Variants in PTPRD observed in about 807,000 individuals in gnomAD.
PTPRD encodes protein tyrosine phosphatase receptor type D, also known as receptor-type tyrosine-protein phosphatase delta.
In PTPRD, 34 loss-of-function variants were observed where a neutral mutation model predicts 214.5. That is an observed-to-expected ratio of 0.16 (90% confidence interval 0.12 to 0.21). The LOEUF is 0.21. Among genes scored for constraint, PTPRD ranks in the 10% least tolerant of loss-of-function variants. PTPRD has a pLI of 1.00. For missense variants in PTPRD, 2,545 were observed against 2,398.7 expected (o/e 1.06, Z -1.27); for synonymous variants, 1,128 against 845.7 (o/e 1.33, Z -5.79).
chr9:8,341,177 G>A lies in PTPRD; in HGVS notation c.5039C>T (p.Pro1680Leu), dbSNP rs1452929744. ...CAGGCATACCCTTGTGGATTCATAT[G>A]GCATAATATTAACAAGGCGATTTTT... ...KFKNRLVNIM[P>L]YESTRVCLQP... The change falls in exon 41 of 46, where the codon CCA becomes CTA. Residue 1680 changes from proline (P) to leucine (L), a missense_variant. Pro to Leu is a moderately conservative substitution (Grantham distance 98). Transcript: ENST00000381196. 4 of 1,612,870 alleles carry A rather than the reference G, an allele frequency of 2.5e-6. No individual in the cohort carries two copies. Among genetic ancestry groups the A allele is most frequent in the Non-Finnish European group, 3.4e-6 (4 of 1,179,394 alleles).
chr9:8,585,843 G>C (rs895175753), intron 14 of PTPRD, among the ~76,000 whole-genome samples: 1 of 152,108 alleles, frequency 6.6e-6, no homozygotes, highest in Non-Finnish European at 1.5e-5. Context: ...GGTAGACTAT[G>C]TTCTTATGTT....
At chr9:8,445,828 T>A (rs2095704175) in intron 34 of PTPRD, among the ~76,000 whole-genome samples, 1 of 152,194 alleles carries the variant, frequency 6.6e-6, no homozygotes, top group African/African-American at 2.4e-5. Context: ...TTTTCACTCA[T>A]CTTAATGCTA....
At position 10,511,976 on chromosome 9, in the gene PTPRD, GTATATATATATACGTGTGTGTA is replaced by G. The variant is rs1337468346; in HGVS notation, c.-600+100400_-600+100421del. ...TGTGTATATATATATACGTGTGTGT[GTATATATATATACGTGTGTGTA>G]TATATATATATACGTGTGTGTATAT... is the stretch of plus-strand genomic sequence containing the variant. On this transcript the variant is annotated intron_variant, in intron 2 of 45. Coordinates refer to ENST00000381196, the MANE Select transcript of PTPRD (RefSeq NM_002839.4). Among the ~76,000 whole-genome samples, 206 of 52,206 alleles carry G rather than the reference GTATATATATATACGTGTGTGTA, an allele frequency of 3.9e-3. 4 individuals carry two copies. Among genetic ancestry groups the G allele is most frequent in the African/African-American group, 0.013 (196 of 14,772 alleles). 34.2% of individuals were successfully genotyped at this position (52,206 alleles called of 152,430 possible).
At chr9:8,873,988 T>A (rs1049857650) in intron 11 of PTPRD, among the ~76,000 whole-genome samples, 2 of 152,192 alleles carry the variant, frequency 1.3e-5, no homozygotes, top group African/African-American at 4.8e-5. Context: ...GACAGAACAC[T>A]TGTGTCCTTC....
chr9:8,993,197 G>T (rs553310667), intron 11 of PTPRD, among the ~76,000 whole-genome samples: 7 of 152,106 alleles, frequency 4.6e-5, no homozygotes, highest in Non-Finnish European at 1.0e-4. Flanking sequence ...TTGGCCCAGA[G>T]AACCTGGCTC....
At chr9:9,503,281 A>T (rs1005161235) in intron 8 of PTPRD, among the ~76,000 whole-genome samples, 1 of 67,716 alleles carries the variant, frequency 1.5e-5, no homozygotes, top group Non-Finnish European at 2.5e-5. Context: ...ATACCAAAAA[A>T]AGTTTTTTTT....
intron 8 of PTPRD, among the ~76,000 whole-genome samples, chr9:9,467,832 C>A (rs1395459731): frequency 6.6e-6 from 1 of 151,964 alleles, no homozygotes; most frequent in African/African-American, 2.4e-5. Flanking sequence ...AAATATCAAA[C>A]CACTTAATTT....
intron 8 of PTPRD, among the ~76,000 whole-genome samples, chr9:9,531,814 G>A (rs1417879136): frequency 5.3e-5 from 8 of 152,026 alleles, no homozygotes; most frequent in African/African-American, 1.7e-4. Flanking sequence ...TTAACTTACT[G>A]AGAACAGTTC....
intron 11 of PTPRD, among the ~76,000 whole-genome samples, chr9:8,786,058 T>TGTG (rs1566046468): frequency 5.1e-5 from 5 of 98,930 alleles, no homozygotes; most frequent in East Asian, 4.1e-4. Flanking sequence ...TGTGTGTGTG[T>TGTG]GTGTGTGTGT....
intron 5 of PTPRD, among the ~76,000 whole-genome samples, chr9:9,844,034 T>C (rs1440712602): frequency 2.6e-5 from 4 of 152,006 alleles, no homozygotes; most frequent in African/African-American, 9.7e-5. Flanking sequence ...TCCAGTGCCA[T>C]AGGCTTCATT....
At chr9:10,565,758 C>T (rs1221129770) in intron 2 of PTPRD, among the ~76,000 whole-genome samples, 1 of 151,926 alleles carries the variant, frequency 6.6e-6, no homozygotes, top group Non-Finnish European at 1.5e-5. Flanking sequence ...TGAGCCTTTG[C>T]AAATTCCATT....
At chr9:9,400,462 C>T (rs986260607) in intron 8 of PTPRD, among the ~76,000 whole-genome samples, 1 of 151,844 alleles carries the variant, frequency 6.6e-6, no homozygotes, top group African/African-American at 2.4e-5. Flanking sequence ...AATACTACAA[C>T]ATATTTTCAA....
chr9:10,091,389 C>G (rs1329992468), intron 3 of PTPRD, among the ~76,000 whole-genome samples: 1 of 151,464 alleles, frequency 6.6e-6, no homozygotes. Context: ...CAATTCATTA[C>G]TGAACTATCC....
At chr9:8,550,298 T>C (rs1008157323) in intron 14 of PTPRD, among the ~76,000 whole-genome samples, 5 of 152,162 alleles carry the variant, frequency 3.3e-5, no homozygotes, top group Non-Finnish European at 7.3e-5. Context: ...ATTTGAAGTG[T>C]CATGAGTATT....
In PTPRD at chr9:9,429,853, C is replaced by T. The variant is rs79622872; in HGVS notation, c.-236-32371G>A. Among the ~76,000 whole-genome samples the T allele has an allele frequency of 5.3e-3, 766 of 143,560 alleles. 7 individuals carry two copies. Among genetic ancestry groups the T allele is most frequent in the African/African-American group, 0.02 (705 of 35,250 alleles). The allele number at this position is 143,560 out of a possible 152,430, so 94.2% of individuals were successfully genotyped here. A position where few individuals can be genotyped will look rare whatever the true frequency, so the allele number is the denominator to read the frequency against. On this transcript the variant is annotated intron_variant, in intron 8 of 45. Transcript: ENST00000381196. ...AAGGCCTTTGACAAAATTCAACAACCCTTCATGCTAAAAACTCTCAATAAA... is the reference window on the plus strand; with the variant it reads ...AAGGCCTTTGACAAAATTCAACAACTCTTCATGCTAAAAACTCTCAATAAA...
chr9:9,390,141 A>G (rs1457204116), intron 9 of PTPRD, among the ~76,000 whole-genome samples: 4 of 152,138 alleles, frequency 2.6e-5, no homozygotes, highest in African/African-American at 9.7e-5. Flanking sequence ...CCAGCCTGAC[A>G]TTGGTTGGGG....
chr9:8,673,408 C>T (rs545162589), intron 12 of PTPRD, among the ~76,000 whole-genome samples: 98 of 152,214 alleles, frequency 6.4e-4, no homozygotes, highest in Admixed American at 6.3e-3. Context: ...CTGCACTGCA[C>T]TTAACACATT....
intron 4 of PTPRD, among the ~76,000 whole-genome samples, chr9:10,024,854 C>A (rs544893194): frequency 3.5e-4 from 50 of 141,946 alleles, no homozygotes; most frequent in African/African-American, 1.3e-3. Context: ...TTGTTCAATT[C>A]CCACCTATGA....
At chr9:9,305,725 TGA>T (rs963718474) in intron 9 of PTPRD, among the ~76,000 whole-genome samples, 31 of 152,012 alleles carry the variant, frequency 2.0e-4, no homozygotes, top group Middle Eastern at 3.4e-3. Flanking sequence ...ATAAGATAAA[TGA>T]GAGAGAGAAA....
Sources: gnomAD v4.1 joint callset for allele counts (sites outside exome capture counted in the v4.1 genomes callset) on GRCh38, gnomAD v4.1.1 for gene constraint, MANE v1.5 for transcripts, NCBI Gene and HGNC (gene_info 2026-07-23, HGNC 2026-07-21) for gene names.